SNX13: variants seen among roughly 807,000 people sequenced by gnomAD.
SNX13 encodes sorting nexin 13, also known as sorting nexin-13.
SNX13 carries 45 observed loss-of-function variants against 133.6 expected under a neutral mutation model. The observed-to-expected ratio is 0.34, with a 90% CI of 0.27 to 0.43. The LOEUF (loss-of-function observed/expected upper bound fraction) is 0.43. Among genes scored for constraint, SNX13 ranks in the 20% least tolerant of loss-of-function variants. The probability of loss-of-function intolerance (pLI) is 1.00; values close to 1 mark genes in which losing one functional copy is unlikely to be tolerated. For synonymous variants in SNX13, 414 were observed against 373.9 expected, an observed-to-expected ratio of 1.11 and a Z score of -1.24; for missense variants, 1,032 against 1,145.1, an observed-to-expected ratio of 0.90 and a Z score of 1.43.
At chr7:17,825,257 A>ACTAG (rs1787762229) in intron 17 of SNX13, among the ~76,000 whole-genome samples, 6 of 146,396 alleles carry the variant, frequency 4.1e-5, no homozygotes, top group African/African-American at 1.0e-4. Context: ...AACTAGATTA[A>ACTAG]ACTAGACTAG....
At chr7:17,897,202 T>C in intron 2 of SNX13, 132 bp downstream of exon 2, 1 of 446,698 alleles carries the variant, frequency 2.2e-6, no homozygotes, top group South Asian at 9.6e-5. Flanking sequence ...TCCTTATTTT[T>C]TTAACTTTAG....
chr7:17,845,689 T>G lies in SNX13; in HGVS notation c.1071A>C (p.Ile357=). ...AGTTTGCTGCAAGTTTCACAGTATT[T>G]ATTTCCTACAGGCAAAAGTGAATAT... ...RIQRLQSGKE[I]NTVKLAANFG... Residue 357 remains isoleucine, a synonymous_variant, in exon 12 of 26, where the codon ATA becomes ATC. Coordinates refer to ENST00000428135, the MANE Select transcript of SNX13 (RefSeq NM_015132.5). 1 of 1,588,784 alleles carries G rather than the reference T, an allele frequency of 6.3e-7. No individual in the cohort carries two copies. Among genetic ancestry groups the G allele is most frequent in the Non-Finnish European group, 8.6e-7 (1 of 1,166,338 alleles).
At chr7:17,858,161 C>T (rs1471088519) in intron 9 of SNX13, among the ~76,000 whole-genome samples, 1 of 152,046 alleles carries the variant, frequency 6.6e-6, no homozygotes, top group Admixed American at 6.6e-5. Flanking sequence ...CAGCCTAGTA[C>T]TAGAAGTCCT....
chr7:17,870,437 A>G (rs1436916093), intron 8 of SNX13, among the ~76,000 whole-genome samples: 2 of 152,246 alleles, frequency 1.3e-5, no homozygotes, highest in Non-Finnish European at 1.5e-5. Flanking sequence ...TGCTGAATGC[A>G]TGGTCTGCAA....
chr7:17,809,476 G>C (rs1785744914), intron 20 of SNX13, among the ~76,000 whole-genome samples: 1 of 151,270 alleles, frequency 6.6e-6, no homozygotes, highest in Non-Finnish European at 1.5e-5. Flanking sequence ...GTTTCATACA[G>C]CAAGAGACCT....
intron 5 of SNX13, among the ~76,000 whole-genome samples, chr7:17,883,865 C>T (rs1795661926): frequency 6.6e-6 from 1 of 152,116 alleles, no homozygotes; most frequent in Admixed American, 6.6e-5. Context: ...TGATGGTTTC[C>T]AGCTTCATCC....
chr7:17,833,290 T>A (rs191127249), intron 15 of SNX13, among the ~76,000 whole-genome samples: 78 of 151,762 alleles, frequency 5.1e-4, no homozygotes, highest in Non-Finnish European at 9.2e-4. Context: ...CTAATAAAAA[T>A]TGATACTTGT....
intron 20 of SNX13, among the ~76,000 whole-genome samples, chr7:17,811,613 C>A (rs1453012002): frequency 6.6e-6 from 1 of 152,170 alleles, no homozygotes; most frequent in Non-Finnish European, 1.5e-5. Flanking sequence ...CATCAAGCTA[C>A]CATTGACTTT....
chr7:17,852,944 C>T (rs563042703), intron 9 of SNX13, among the ~76,000 whole-genome samples: 1 of 152,200 alleles, frequency 6.6e-6, no homozygotes, highest in Non-Finnish European at 1.5e-5. Context: ...TATTATGAAA[C>T]ATCTCTTTCA....
At chr7:17,817,957 T>C (rs1340048922) in intron 18 of SNX13, among the ~76,000 whole-genome samples, 2 of 152,118 alleles carry the variant, frequency 1.3e-5, no homozygotes, top group Admixed American at 1.3e-4. Flanking sequence ...AATTGAGAGA[T>C]AAAGCCCCTA....
intron 1 of SNX13, among the ~76,000 whole-genome samples, chr7:17,935,435 T>G (rs1302346166): frequency 6.6e-6 from 1 of 152,190 alleles, no homozygotes; most frequent in Non-Finnish European, 1.5e-5. Flanking sequence ...AATTTTTAGA[T>G]CAATTAAACA....
chr7:17,886,923 C>T (rs1451818244), intron 5 of SNX13, among the ~76,000 whole-genome samples: 1 of 149,058 alleles, frequency 6.7e-6, no homozygotes, highest in African/African-American at 2.5e-5. Context: ...TTTTATTTCT[C>T]TATGTTTCAT....
intron 1 of SNX13, chr7:17,899,570 G>A (rs1305826793): frequency 6.6e-6 from 1 of 151,434 alleles, no homozygotes; most frequent in Non-Finnish European, 1.5e-5. Flanking sequence ...TCTTCTGCTT[G>A]ATCAATTCTG....
intron 1 of SNX13, among the ~76,000 whole-genome samples, chr7:17,937,061 C>A: frequency 6.8e-6 from 1 of 146,688 alleles, no homozygotes. Context: ...ACAGCTCATC[C>A]CTGTATGTAA....
At chr7:17,937,056 T>C (rs1583861380) in intron 1 of SNX13, among the ~76,000 whole-genome samples, 1 of 144,440 alleles carries the variant, frequency 6.9e-6, no homozygotes. Flanking sequence ...TACATACAGC[T>C]CATCCCTGTA....
chr7:17,821,214 G>A (rs1025476592), intron 18 of SNX13, among the ~76,000 whole-genome samples: 2 of 152,070 alleles, frequency 1.3e-5, no homozygotes, highest in African/African-American at 4.8e-5. Flanking sequence ...AAAAAACTTT[G>A]AAAAGCACAA....
intron 24 of SNX13, among the ~76,000 whole-genome samples, 184 bp downstream of exon 24, chr7:17,798,506 A>C (rs1784290234): frequency 6.6e-6 from 1 of 151,894 alleles, no homozygotes; most frequent in African/African-American, 2.4e-5. Flanking sequence ...GGTTTTAAAG[A>C]AACAAAGATC....
intron 8 of SNX13, among the ~76,000 whole-genome samples, chr7:17,869,723 T>C (rs1404640355): frequency 1.3e-5 from 2 of 152,174 alleles, no homozygotes; most frequent in East Asian, 1.9e-4. Flanking sequence ...CAGTCTGAAA[T>C]GACAAAAAAT....
intron 9 of SNX13, among the ~76,000 whole-genome samples, chr7:17,858,203 G>C (rs1792169385): frequency 6.6e-6 from 1 of 152,070 alleles, no homozygotes; most frequent in African/African-American, 2.4e-5. Flanking sequence ...GAGAAATAAA[G>C]AGTATCCTAA....
Sources: allele counts gnomAD v4.1 joint callset (sites outside exome capture counted in the v4.1 genomes callset), GRCh38; gene constraint gnomAD v4.1.1; transcripts MANE v1.5; gene names NCBI Gene and HGNC (gene_info 2026-07-23, HGNC 2026-07-21).